Variants in HMGN5 observed in about 807,000 individuals in gnomAD.
The protein encoded by HMGN5 is high mobility group nucleosome-binding domain-containing protein 5.
A neutral mutation model predicts 9.5 loss-of-function variants in HMGN5; 4 were observed. That is an observed-to-expected ratio of 0.42 (90% CI 0.21 to 0.96). The LOEUF is 0.96. Ranked by LOEUF, HMGN5 falls within the 40% of genes least tolerant of loss-of-function variation. The probability of loss-of-function intolerance (pLI) is 0.30; values close to 1 mark genes in which losing one functional copy is unlikely to be tolerated. For synonymous variants in HMGN5, 55 were observed against 57.1 expected, an observed-to-expected ratio of 0.96 and a Z score of 0.16; for missense variants, 192 against 187.5, an observed-to-expected ratio of 1.02 and a Z score of -0.14.
intron 1 of HMGN5, among the ~76,000 whole-genome samples, chrX:81,178,013 C>T (rs1243108647): frequency 9.0e-6 from 1 of 111,687 alleles, no homozygotes; most frequent in African/African-American, 3.3e-5. Flanking sequence ...TCTTTGAAAC[C>T]AATGAGAACA....
At position 81,113,897 on chromosome X, in the gene HMGN5, C is replaced by G. The variant is rs2075244164; in HGVS notation, c.*752G>C. The G allele has an allele frequency of 9.0e-6, 1 of 111,555 alleles. No homozygotes were observed. The highest frequency in any genetic ancestry group is 1.9e-5 in the Non-Finnish European group (1 of 53,080). The allele number at this position is 111,555 out of a possible 1,213,427, so 9.2% of individuals were successfully genotyped here. On this transcript the variant is annotated 3_prime_UTR_variant, in exon 7 of 7. Coordinates refer to ENST00000358130, the MANE Select transcript of HMGN5 (RefSeq NM_030763.3). ...CAGTGGACACAACATTGTGAATATACTGACAACCATTGAATTATATACTTT... is the reference window on the plus strand; with the variant it reads ...CAGTGGACACAACATTGTGAATATAGTGACAACCATTGAATTATATACTTT...
chrX:81,155,075 GTATATATATATATATATA>G (rs761895749), intron 1 of HMGN5, among the ~76,000 whole-genome samples: 1 of 68,982 alleles, frequency 1.4e-5, no homozygotes, highest in African/African-American at 5.5e-5. Flanking sequence ...GTATATATCA[GTATATATATATATATATA>G]TATATATATA....
At chrX:81,140,784 A>G (rs1481490955) in intron 1 of HMGN5, among the ~76,000 whole-genome samples, 2 of 110,623 alleles carry the variant, frequency 1.8e-5, no homozygotes, top group East Asian at 5.7e-4. Flanking sequence ...AGCAGATGGA[A>G]AAGTAAAGGG....
chrX:81,152,550 C>A (rs972776492), intron 1 of HMGN5, among the ~76,000 whole-genome samples: 13 of 110,646 alleles, frequency 1.2e-4, no homozygotes, highest in Admixed American at 9.6e-5. Context: ...GTTGGTGGGA[C>A]TGTAAACTAG....
chrX:81,139,455 TCAATTATCTTCCCCG>T (rs1165329578), intron 1 of HMGN5, among the ~76,000 whole-genome samples: 9 of 110,782 alleles, frequency 8.1e-5, no homozygotes. Context: ...GGAAGCTCCA[TCAATTATCTTCCCCG>T]CAAGGACAGT....
chrX:81,125,390 C>T (rs766982565), intron 1 of HMGN5, among the ~76,000 whole-genome samples: 4 of 110,916 alleles, frequency 3.6e-5, no homozygotes, highest in African/African-American at 1.3e-4. Flanking sequence ...CTACAGTGAG[C>T]CAAATACATC....
intron 1 of HMGN5, among the ~76,000 whole-genome samples, chrX:81,187,222 T>C (rs1481646473): frequency 8.9e-6 from 1 of 111,798 alleles, no homozygotes; most frequent in African/African-American, 3.2e-5. Context: ...CTTTGGTCTA[T>C]AGTGGAGATT....
chrX:81,190,592 G>A (rs950080934), intron 1 of HMGN5, among the ~76,000 whole-genome samples: 7 of 111,093 alleles, frequency 6.3e-5, no homozygotes, highest in Non-Finnish European at 9.4e-5. Flanking sequence ...TTAAGGTTAC[G>A]GATTATTTCT....
At position 81,115,074 on chromosome X, in the gene HMGN5, C is replaced by T; in HGVS notation, c.424G>A (p.Gly142Arg). The part of the protein sequence containing the change: ...EDEEDQNEEK[G>R]EAGKEDKDEK... Reference sequence around the variant, plus strand: ...TCTTTGTCTTCTTTTCCAGCTTCCCCTTTCTCTTCGTTTTGATCTTCTTCA... The same window carrying T: ...TCTTTGTCTTCTTTTCCAGCTTCCCTTTTCTCTTCGTTTTGATCTTCTTCA... Residue 142 changes from glycine (G) to arginine (R), a missense_variant, in exon 7 of 7, where the codon GGG (glycine) becomes AGG (arginine). Coordinates refer to ENST00000358130, the MANE Select transcript of HMGN5 (RefSeq NM_030763.3). 8.6e-7 allele frequency: 1 copy of T among 1,159,046 alleles called. No individual in the cohort carries two copies. Among genetic ancestry groups the T allele is most frequent in the Non-Finnish European group, 1.1e-6 (1 of 870,234 alleles).
intron 1 of HMGN5, among the ~76,000 whole-genome samples, chrX:81,155,075 G>GTATATATATATATATATATA (rs761895749): frequency 5.8e-5 from 4 of 68,980 alleles, no homozygotes; most frequent in African/African-American, 2.2e-4. Flanking sequence ...GTATATATCA[G>GTATATATATATATATATATA]TATATATATA....
At chrX:81,128,320 G>A (rs1019799267) in intron 1 of HMGN5, among the ~76,000 whole-genome samples, 4 of 110,841 alleles carry the variant, frequency 3.6e-5, no homozygotes, top group African/African-American at 1.3e-4. Flanking sequence ...TTTTAATGAC[G>A]ATAGTATAAA....
intron 1 of HMGN5, among the ~76,000 whole-genome samples, chrX:81,174,630 A>G (rs754024332): frequency 9.0e-6 from 1 of 111,549 alleles, no homozygotes; most frequent in East Asian, 2.8e-4. Context: ...ACCTTGAGCA[A>G]ATTGCTTAAA....
intron 1 of HMGN5, among the ~76,000 whole-genome samples, chrX:81,192,022 C>T (rs2075495587): frequency 9.0e-6 from 1 of 111,347 alleles, no homozygotes; most frequent in Non-Finnish European, 1.9e-5. Flanking sequence ...GGCTTGACTG[C>T]ATTATGTTCT....
chrX:81,192,311 G>A (rs1471047699), intron 1 of HMGN5, among the ~76,000 whole-genome samples: 2 of 111,670 alleles, frequency 1.8e-5, no homozygotes, highest in Non-Finnish European at 3.8e-5. Flanking sequence ...TGAAATGATT[G>A]AGAAATATCC....
intron 1 of HMGN5, among the ~76,000 whole-genome samples, chrX:81,142,694 C>T (rs777781898): frequency 1.4e-3 from 151 of 111,804 alleles, no homozygotes; most frequent in African/African-American, 4.6e-3. Context: ...GTGATTTCAA[C>T]ACCAGACATG....
At chrX:81,190,348 G>T (rs1368444337) in intron 1 of HMGN5, among the ~76,000 whole-genome samples, 1 of 110,561 alleles carries the variant, frequency 9.0e-6, no homozygotes, top group Non-Finnish European at 1.9e-5. Context: ...TTCCTTTAAA[G>T]GGTACAATCT....
At position 81,114,870 on chromosome X, in the gene HMGN5, C is replaced by G. The variant is rs111213569; in HGVS notation, c.628G>C (p.Glu210Gln). 4.1e-4 allele frequency: 476 copies of G among 1,159,744 alleles called. No individual in the cohort carries two copies. In the African/African-American group the frequency reaches 7.7e-3, roughly 19 times the overall value. ...EDRKETGDGK[E>Q]NEDGKEKGDK... ...CCCTTCTCTTTTCCATCTTCATTCT[C>G]TTTTCCATCTCCTGTTTCTTTTCTG... is the stretch of plus-strand genomic sequence containing the variant. Residue 210 changes from glutamate to glutamine, a missense_variant, in exon 7 of 7, where the codon GAG (glutamate) becomes CAG (glutamine). Transcript: ENST00000358130.
chrX:81,151,267 A>T (rs182128666), intron 1 of HMGN5, among the ~76,000 whole-genome samples: 1 of 111,265 alleles, frequency 9.0e-6, no homozygotes, highest in Admixed American at 9.6e-5. Flanking sequence ...TAGATATGCG[A>T]CATTATTTCT....
At chrX:81,199,788 T>A (rs769957350) in intron 1 of HMGN5, among the ~76,000 whole-genome samples, 2 of 112,040 alleles carry the variant, frequency 1.8e-5, no homozygotes, top group Admixed American at 1.9e-4. Context: ...GAAGAAGACC[T>A]AGGCAATGCC....
Sources: gnomAD v4.1 joint callset for allele counts (sites outside exome capture counted in the v4.1 genomes callset) on GRCh38, gnomAD v4.1.1 for gene constraint, MANE v1.5 for transcripts, NCBI Gene and HGNC (gene_info 2026-07-23, HGNC 2026-07-21) for gene names.